The following ATRNL1 variants were observed in gnomAD, a reference collection of about 807,000 sequenced individuals.
The protein encoded by ATRNL1 is attractin-like protein 1.
A neutral mutation model predicts 182.7 loss-of-function variants in ATRNL1; 95 were observed. The observed-to-expected ratio is 0.52, with a 90% CI of 0.44 to 0.62. The LOEUF is 0.62. Ranked by LOEUF, ATRNL1 falls within the 20% of genes least tolerant of loss-of-function variation. The pLI is 0.00. For synonymous variants in ATRNL1, 576 were observed against 568.3 expected (o/e 1.01, Z -0.19); for missense variants, 1,471 against 1,679.5 (o/e 0.88, Z 2.17).
intron 1 of ATRNL1, among the ~76,000 whole-genome samples, chr10:115,117,402 A>G (rs1289754764): frequency 6.6e-6 from 1 of 151,778 alleles, no homozygotes; most frequent in African/African-American, 2.4e-5. Context: ...CTCTTTCTCC[A>G]TGGGTTCAAT....
chr10:115,607,898 C>G lies in ATRNL1; in HGVS notation c.3795+58362C>G, dbSNP rs142097367. Among the ~76,000 whole-genome samples, 1,229 of 152,028 alleles carry G rather than the reference C, an allele frequency of 8.1e-3. 17 individuals carry two copies. The highest frequency in any genetic ancestry group is 0.012 in the Non-Finnish European group (834 of 67,830). On this transcript the variant is annotated intron_variant, in intron 26 of 28. Coordinates refer to ENST00000355044, the MANE Select transcript of ATRNL1 (RefSeq NM_207303.4). ...CTTCTTCGTATATGGAAATCACCATCTTCTTCCACTGGAAATATTTTCTCA... is the reference window on the plus strand; with the variant it reads ...CTTCTTCGTATATGGAAATCACCATGTTCTTCCACTGGAAATATTTTCTCA...
chr10:115,519,182 T>C, intron 24 of ATRNL1, 81 bp from the exon 25 acceptor site: 2 of 1,161,328 alleles, frequency 1.7e-6, no homozygotes, highest in Non-Finnish European at 2.5e-6. Context: ...TTAGAAAAAC[T>C]GTATTTACAA....
At chr10:115,414,581 A>G (rs1263847381) in intron 20 of ATRNL1, among the ~76,000 whole-genome samples, 1 of 151,968 alleles carries the variant, frequency 6.6e-6, no homozygotes, top group Non-Finnish European at 1.5e-5. Context: ...GTATACTCAG[A>G]GAGATTATTG....
chr10:115,678,368 A>G (rs1945935585), intron 26 of ATRNL1, among the ~76,000 whole-genome samples: 1 of 152,252 alleles, frequency 6.6e-6, no homozygotes, highest in South Asian at 2.1e-4. Context: ...GAAATAAACT[A>G]CGAATCTTTT....
At chr10:115,801,318 C>T (rs1949787419) in intron 27 of ATRNL1, among the ~76,000 whole-genome samples, 1 of 152,014 alleles carries the variant, frequency 6.6e-6, no homozygotes, top group African/African-American at 2.4e-5. Flanking sequence ...AATCTTTATT[C>T]CACTTAAGGT....
chr10:115,097,466 T>A (rs1554863422), intron 1 of ATRNL1, among the ~76,000 whole-genome samples: 2 of 152,168 alleles, frequency 1.3e-5, no homozygotes, highest in African/African-American at 2.4e-5. Flanking sequence ...AGCTTGGGTA[T>A]CAGAGCGAGA....
chr10:115,527,130 T>TC (rs35207261), intron 25 of ATRNL1, among the ~76,000 whole-genome samples: 38 of 118,238 alleles, frequency 3.2e-4, no homozygotes, highest in East Asian at 3.0e-3. Flanking sequence ...TTTTTTTTTT[T>TC]CCCCCCCGAG....
chr10:115,782,543 G>A (rs1447217813), intron 27 of ATRNL1, among the ~76,000 whole-genome samples: 1 of 152,032 alleles, frequency 6.6e-6, no homozygotes, highest in East Asian at 1.9e-4. Flanking sequence ...CATTCACCTG[G>A]CTATAGTAGG....
chr10:115,913,015 G>A (rs1284907550), intron 28 of ATRNL1, among the ~76,000 whole-genome samples: 1 of 152,200 alleles, frequency 6.6e-6, no homozygotes, highest in African/African-American at 2.4e-5. Context: ...GAGATAATGT[G>A]TATGAAAACG....
At chr10:115,889,725 G>C (rs961495515) in intron 28 of ATRNL1, among the ~76,000 whole-genome samples, 1 of 152,044 alleles carries the variant, frequency 6.6e-6, no homozygotes, top group South Asian at 2.1e-4. Context: ...TCTTAACCAC[G>C]ACACCACATT....
Position 115,692,912 on chromosome 10 carries a change from G to C in ATRNL1, c.3796-34336G>C, listed in dbSNP as rs1377816105. ...AACCTATGAGTAAAGGAGAGTCCTT[G>C]TTTTTTCATAACCTCTTCTGAATGC... On this transcript the variant is annotated intron_variant, in intron 26 of 28. Transcript: ENST00000355044. Among the ~76,000 whole-genome samples the C allele has an allele frequency of 3.3e-5, 5 of 151,956 alleles. No individual in the cohort carries two copies. The East Asian group carries it at 7.7e-4, about 23-fold the overall frequency.
At chr10:115,915,301 G>A (rs1179669741) in intron 28 of ATRNL1, among the ~76,000 whole-genome samples, 3 of 152,088 alleles carry the variant, frequency 2.0e-5, no homozygotes, top group Non-Finnish European at 4.4e-5. Context: ...GGGAGGCTGA[G>A]GCAGGAGAAT....
intron 25 of ATRNL1, among the ~76,000 whole-genome samples, chr10:115,537,972 C>T (rs2133775134): frequency 6.6e-6 from 1 of 152,246 alleles, no homozygotes; most frequent in Admixed American, 6.5e-5. Flanking sequence ...ATTCAAATGG[C>T]TTCTTTCCCT....
chr10:115,369,062 T>C (rs1564964139), intron 19 of ATRNL1, among the ~76,000 whole-genome samples: 1 of 152,104 alleles, frequency 6.6e-6, no homozygotes, highest in Non-Finnish European at 1.5e-5. Flanking sequence ...CATACAGTAT[T>C]AGTCTTTTTT....
intron 19 of ATRNL1, among the ~76,000 whole-genome samples, chr10:115,366,450 G>A (rs545151044): frequency 0.018 from 2,800 of 152,200 alleles, 99 homozygotes; most frequent in African/African-American, 0.065. Context: ...ACAGCACACT[G>A]ATGGGTCTTG....
chr10:115,873,028 T>C (rs1951620000), intron 28 of ATRNL1, among the ~76,000 whole-genome samples: 1 of 152,220 alleles, frequency 6.6e-6, no homozygotes, highest in Non-Finnish European at 1.5e-5. Context: ...TTCTTTGTTT[T>C]CCTCATAGTA....
intron 26 of ATRNL1, among the ~76,000 whole-genome samples, chr10:115,592,596 G>A (rs1347950782): frequency 1.3e-5 from 2 of 152,090 alleles, no homozygotes; most frequent in African/African-American, 4.8e-5. Context: ...TGCCTATTCT[G>A]GACATTTCAT....
intron 19 of ATRNL1, among the ~76,000 whole-genome samples, chr10:115,372,020 T>A (rs138941153): frequency 6.6e-6 from 1 of 152,178 alleles, no homozygotes; most frequent in South Asian, 2.1e-4. Context: ...CAAGCTCTCT[T>A]CTTTTGTCTG....
chr10:115,388,021 C>T (rs2134254731), intron 19 of ATRNL1, among the ~76,000 whole-genome samples: 1 of 152,170 alleles, frequency 6.6e-6, no homozygotes, highest in East Asian at 1.9e-4. Flanking sequence ...CTGATGTTTT[C>T]CTGTGACATA....
Sources: gnomAD v4.1 joint callset for allele counts (sites outside exome capture counted in the v4.1 genomes callset) on GRCh38, gnomAD v4.1.1 for gene constraint, MANE v1.5 for transcripts, NCBI Gene and HGNC (gene_info 2026-07-23, HGNC 2026-07-21) for gene names.